The following FAM168A variants were observed in gnomAD, a reference collection of about 807,000 sequenced individuals.
The protein encoded by FAM168A is protein FAM168A.
In FAM168A, 3 loss-of-function variants were observed where a neutral mutation model predicts 28.5. The ratio of observed to expected loss-of-function variants is 0.11; its 90% CI spans 0.05 to 0.27. The LOEUF is 0.27. Ranked by LOEUF, FAM168A falls within the 10% of genes least tolerant of loss-of-function variation. The pLI is 1.00. For missense variants in FAM168A, 222 were observed against 311.5 expected, an observed-to-expected ratio of 0.71 and a Z score of 2.16; for synonymous variants, 122 against 124.2, an observed-to-expected ratio of 0.98 and a Z score of 0.12.
At chr11:73,484,701 G>T (rs77623743) in intron 1 of FAM168A, among the ~76,000 whole-genome samples, 1 of 142,210 alleles carries the variant, frequency 7.0e-6, no homozygotes, top group Non-Finnish European at 1.5e-5. Flanking sequence ...TATAGATATA[G>T]ATATATATAG....
chr11:73,413,506 A>G (rs1044904439), intron 4 of FAM168A, among the ~76,000 whole-genome samples: 3 of 152,206 alleles, frequency 2.0e-5, no homozygotes, highest in Non-Finnish European at 4.4e-5. Flanking sequence ...GGGGGAAGAC[A>G]GGGAGACTAG....
chr11:73,497,019 C>G (rs1565271277), intron 1 of FAM168A, among the ~76,000 whole-genome samples: 1 of 152,124 alleles, frequency 6.6e-6, no homozygotes, highest in Non-Finnish European at 1.5e-5. Flanking sequence ...TGAAAAATGG[C>G]CGAATTCAGA....
intron 2 of FAM168A, among the ~76,000 whole-genome samples, chr11:73,456,694 A>C (rs7925573): frequency 0.32 from 48,027 of 152,220 alleles, 9,816 homozygotes; most frequent in African/African-American, 0.59. Context: ...AATCCTCCAC[A>C]TAAACAACTA....
chr11:73,494,173 CAA>C (rs1179226288), intron 1 of FAM168A, among the ~76,000 whole-genome samples: 2 of 151,966 alleles, frequency 1.3e-5, no homozygotes, highest in African/African-American at 2.4e-5. Context: ...AGAATTGAAC[CAA>C]AGAGTGTTAG....
At chr11:73,437,043 CACAGGAAT>C (rs536239568) in intron 2 of FAM168A, among the ~76,000 whole-genome samples, 11 of 151,522 alleles carry the variant, frequency 7.3e-5, no homozygotes, top group Non-Finnish European at 1.2e-4. Flanking sequence ...TGTCACTCAG[CACAGGAAT>C]ACCCTTTATA....
intron 3 of FAM168A, 156 bp downstream of exon 3, chr11:73,430,534 C>T: frequency 1.5e-6 from 1 of 674,044 alleles, no homozygotes; most frequent in East Asian, 2.8e-5. Context: ...GGCTGATTGT[C>T]CCAGTTCCCA....
intron 1 of FAM168A, among the ~76,000 whole-genome samples, chr11:73,508,052 C>T (rs1246149673): frequency 2.0e-5 from 3 of 152,186 alleles, no homozygotes. Flanking sequence ...GGCATAGTTA[C>T]TTAACCTCTT....
At chr11:73,509,397 T>C (rs1855174122) in intron 1 of FAM168A, among the ~76,000 whole-genome samples, 1 of 152,220 alleles carries the variant, frequency 6.6e-6, no homozygotes, top group African/African-American at 2.4e-5. Context: ...AAGTAAATCC[T>C]GCTAAGTAAA....
intron 1 of FAM168A, among the ~76,000 whole-genome samples, chr11:73,514,828 GCCATCCAT>G (rs140788338): frequency 0.048 from 7,069 of 146,476 alleles, 397 homozygotes; most frequent in African/African-American, 0.14. Flanking sequence ...GTGAGACTCT[GCCATCCAT>G]CCATCCATCC....
intron 1 of FAM168A, among the ~76,000 whole-genome samples, chr11:73,524,902 C>T (rs1943430843): frequency 6.6e-6 from 1 of 152,144 alleles, no homozygotes; most frequent in Non-Finnish European, 1.5e-5. Flanking sequence ...ATCCAGCCTA[C>T]TTTCAATACT....
chr11:73,504,784 G>C (rs1269315416), intron 1 of FAM168A, among the ~76,000 whole-genome samples: 2 of 152,156 alleles, frequency 1.3e-5, no homozygotes, highest in African/African-American at 4.8e-5. Flanking sequence ...ACTGGATAAA[G>C]AAAATGTGGT....
In FAM168A at chr11:73,445,026, G is replaced by A. The variant is rs541558043; in HGVS notation, c.71-14256C>T. On this transcript the variant is annotated intron_variant, in intron 2 of 7. Coordinates refer to ENST00000356467, the MANE Select transcript of FAM168A (RefSeq NM_015159.3). ...TGTAATCCCAACATTTTGGGAGGCC[G>A]AGGTGGGTGGATCACCTGAGGTCGG... Among the ~76,000 whole-genome samples, 84 of 152,244 alleles carry A rather than the reference G, an allele frequency of 5.5e-4. 2 individuals are homozygous for A. Among genetic ancestry groups the A allele is most frequent in the African/African-American group, 1.7e-3 (71 of 41,552 alleles).
At chr11:73,530,567 A>G (rs1943504115) in intron 1 of FAM168A, among the ~76,000 whole-genome samples, 1 of 152,154 alleles carries the variant, frequency 6.6e-6, no homozygotes, top group African/African-American at 2.4e-5. Context: ...TGAGGTCTGA[A>G]TCTCAGCCTT....
chr11:73,432,737 C>T (rs1323101417), intron 2 of FAM168A, among the ~76,000 whole-genome samples: 2 of 151,936 alleles, frequency 1.3e-5, no homozygotes, highest in East Asian at 1.9e-4. Flanking sequence ...CAAGGTGAAA[C>T]CCCGTCTCTA....
intron 1 of FAM168A, among the ~76,000 whole-genome samples, chr11:73,544,844 TAA>T (rs1456518207): frequency 4.3e-5 from 4 of 92,706 alleles, no homozygotes; most frequent in Non-Finnish European, 7.3e-5. Flanking sequence ...TAATATATAT[TAA>T]ATATATAATA....
intron 2 of FAM168A, among the ~76,000 whole-genome samples, chr11:73,446,861 C>A (rs1311542044): frequency 6.6e-6 from 1 of 152,164 alleles, no homozygotes; most frequent in Non-Finnish European, 1.5e-5. Context: ...CCAGAGAGAT[C>A]TTTCAAAAAT....
At chr11:73,546,496 G>C (rs1943754750) in intron 1 of FAM168A, among the ~76,000 whole-genome samples, 1 of 152,234 alleles carries the variant, frequency 6.6e-6, no homozygotes, top group Non-Finnish European at 1.5e-5. Context: ...ACTTTGGGAG[G>C]CTAAGGCAGA....
chr11:73,462,704 C>T (rs979905888), intron 2 of FAM168A, among the ~76,000 whole-genome samples: 11 of 150,738 alleles, frequency 7.3e-5, no homozygotes, highest in Non-Finnish European at 1.2e-4. Flanking sequence ...GGTGAAACCC[C>T]GTCTCTACCA....
In FAM168A at chr11:73,442,303, T is replaced by A. The variant is rs554137688; in HGVS notation, c.71-11533A>T. Among the ~76,000 whole-genome samples the A allele has an allele frequency of 3.7e-3, 558 of 151,890 alleles. 3 individuals carry two copies. Among genetic ancestry groups the A allele is most frequent in the African/African-American group, 0.013 (526 of 41,412 alleles). On this transcript the variant is annotated intron_variant, in intron 2 of 7. Coordinates refer to ENST00000356467, the MANE Select transcript of FAM168A (RefSeq NM_015159.3). Reference sequence around the variant, plus strand: ...ACCACGCACGGCTAATTTTTTGTATTTTTTAGTAGAGATGGGGTTTCGCCG... The same window carrying A: ...ACCACGCACGGCTAATTTTTTGTATATTTTAGTAGAGATGGGGTTTCGCCG...
Sources: allele counts gnomAD v4.1 joint callset (sites outside exome capture counted in the v4.1 genomes callset), GRCh38; gene constraint gnomAD v4.1.1; transcripts MANE v1.5; gene names NCBI Gene and HGNC (gene_info 2026-07-23, HGNC 2026-07-21).